LARGE1: variants seen among roughly 807,000 people sequenced by gnomAD.
LARGE1 encodes the protein LARGE xylosyl- and glucuronyltransferase 1.
Under a neutral mutation model 87.6 loss-of-function variants are expected in LARGE1, and 43 were observed. The ratio of observed to expected loss-of-function variants is 0.49; its 90% confidence interval spans 0.38 to 0.63. LARGE1 has a LOEUF of 0.63. Among genes scored for constraint, LARGE1 ranks in the 30% least tolerant of loss-of-function variants. LARGE1 has a pLI of 0.00. For synonymous variants in LARGE1, 434 were observed against 394.6 expected (o/e 1.10, Z -1.18); for missense variants, 802 against 1,000.2 (o/e 0.80, Z 2.67).
At chr22:33,170,698 A>C (rs768903662) in intron 11 of LARGE1, among the ~76,000 whole-genome samples, 12 of 152,194 alleles carry the variant, frequency 7.9e-5, no homozygotes, top group Non-Finnish European at 1.5e-4. Flanking sequence ...AATCATGCAG[A>C]ACTGTGAGTC....
intron 1 of LARGE1, among the ~76,000 whole-genome samples, chr22:33,816,079 C>T (rs543481204): frequency 1.3e-5 from 2 of 152,282 alleles, no homozygotes; most frequent in African/African-American, 4.8e-5. Flanking sequence ...GATGCCCACA[C>T]TGTTTTTACA....
intron 11 of LARGE1, among the ~76,000 whole-genome samples, chr22:33,179,872 G>T (rs1227720484): frequency 6.6e-6 from 1 of 152,166 alleles, no homozygotes. Context: ...AATTTGTGTT[G>T]AAACGTAATG....
chr22:33,453,491 C>T (rs2068019113), intron 6 of LARGE1, among the ~76,000 whole-genome samples: 1 of 151,960 alleles, frequency 6.6e-6, no homozygotes, highest in Non-Finnish European at 1.5e-5. Context: ...CAGGGAGTGA[C>T]CAAAACTACC....
chr22:33,829,920 G>T (rs957457176), intron 1 of LARGE1, among the ~76,000 whole-genome samples: 1 of 152,172 alleles, frequency 6.6e-6, no homozygotes, highest in Non-Finnish European at 1.5e-5. Context: ...CCCTACAAGG[G>T]TGAAGGCAGG....
At chr22:33,713,472 G>A (rs572190891) in intron 2 of LARGE1, among the ~76,000 whole-genome samples, 44 of 152,206 alleles carry the variant, frequency 2.9e-4, no homozygotes, top group Middle Eastern at 6.8e-3. Flanking sequence ...TTCCGCGGTC[G>A]CTGGTGGTTT....
chr22:33,753,732 A>G (rs1243490754), intron 2 of LARGE1, among the ~76,000 whole-genome samples: 1 of 152,124 alleles, frequency 6.6e-6, no homozygotes, highest in Non-Finnish European at 1.5e-5. Flanking sequence ...AGGATAGCCA[A>G]TATTATTTTA....
At chr22:33,612,551 T>C (rs1038655417) in intron 4 of LARGE1, among the ~76,000 whole-genome samples, 3 of 151,626 alleles carry the variant, frequency 2.0e-5, no homozygotes, top group African/African-American at 4.9e-5. Context: ...TCTGATAGAG[T>C]AAGAAAGGAA....
intron 11 of LARGE1, among the ~76,000 whole-genome samples, chr22:33,194,159 C>CCCTCTCTTCTTCA (rs572000452): frequency 0.03 from 4,569 of 152,018 alleles, 92 homozygotes; most frequent in Admixed American, 0.056. Context: ...AATTTGACTT[C>CCCTCTCTTCTTCA]TTCTGTTTCA....
chr22:33,875,043 A>G (rs2064420705), intron 1 of LARGE1, among the ~76,000 whole-genome samples: 1 of 152,198 alleles, frequency 6.6e-6, no homozygotes, highest in Non-Finnish European at 1.5e-5. Flanking sequence ...CACTCCATCT[A>G]TGAGGTTAGG....
intron 4 of LARGE1, among the ~76,000 whole-genome samples, chr22:33,617,757 C>T (rs1602739501): frequency 6.6e-6 from 1 of 152,146 alleles, no homozygotes; most frequent in South Asian, 2.1e-4. Context: ...AATTCTACAC[C>T]AAAGAAGGAA....
At chr22:33,310,421 T>C (rs1935438378) in intron 11 of LARGE1, among the ~76,000 whole-genome samples, 1 of 151,972 alleles carries the variant, frequency 6.6e-6, no homozygotes, top group Non-Finnish European at 1.5e-5. Flanking sequence ...CCCTTTGCCA[T>C]TGGTGTCTTC....
intron 6 of LARGE1, among the ~76,000 whole-genome samples, chr22:33,557,861 C>A (rs139395488): frequency 2.5e-4 from 38 of 152,266 alleles, no homozygotes; most frequent in African/African-American, 9.1e-4. Context: ...GCCACTAAGC[C>A]CGGCCCAGGA....
chr22:33,327,349 G>A (rs1937330304), intron 10 of LARGE1, among the ~76,000 whole-genome samples: 2 of 152,144 alleles, frequency 1.3e-5, no homozygotes, highest in Non-Finnish European at 2.9e-5. Context: ...TCAGAGGTGA[G>A]GCAGTGATCT....
At chr22:33,571,288 C>T (rs2078196143) in intron 5 of LARGE1, among the ~76,000 whole-genome samples, 1 of 152,130 alleles carries the variant, frequency 6.6e-6, no homozygotes, top group Non-Finnish European at 1.5e-5. Flanking sequence ...CTTGAAGAAG[C>T]TGCCAATTAC....
intron 6 of LARGE1, among the ~76,000 whole-genome samples, chr22:33,547,718 C>T (rs988368009): frequency 1.3e-4 from 17 of 131,638 alleles, no homozygotes; most frequent in East Asian, 7.6e-4. Context: ...TGCTTGAATC[C>T]GGGAGGTGGA....
chr22:33,812,232 T>C (rs2086518837), intron 1 of LARGE1, among the ~76,000 whole-genome samples: 1 of 152,218 alleles, frequency 6.6e-6, no homozygotes, highest in Admixed American at 6.5e-5. Flanking sequence ...ACCATGAAGT[T>C]AGGGCTATGC....
intron 6 of LARGE1, among the ~76,000 whole-genome samples, chr22:33,499,846 T>C (rs1003405340): frequency 1.3e-5 from 2 of 152,182 alleles, no homozygotes; most frequent in Admixed American, 1.3e-4. Flanking sequence ...CAATCTCGGC[T>C]CACTGCAACC....
chr22:33,666,759 T>C (rs866972106), intron 2 of LARGE1, among the ~76,000 whole-genome samples: 3 of 152,196 alleles, frequency 2.0e-5, no homozygotes, highest in Middle Eastern at 3.2e-3. Context: ...GTTTCTCTAC[T>C]GATGAGTAGC....
chr22:33,098,165 G>A, the LARGE1 span, among the ~76,000 whole-genome samples: 629 of 152,126 alleles, frequency 4.1e-3, 3 homozygotes, highest in African/African-American at 0.014. Context: ...AAAATTAGCC[G>A]GGCATGGTGG....
Sources: gnomAD v4.1 joint callset for allele counts (sites outside exome capture counted in the v4.1 genomes callset) on GRCh38, gnomAD v4.1.1 for gene constraint, MANE v1.5 for transcripts, NCBI Gene and HGNC (gene_info 2026-07-23, HGNC 2026-07-21) for gene names.